RNF11: variants seen among roughly 807,000 people sequenced by gnomAD.
The protein encoded by RNF11 is ring finger protein 11.
A neutral mutation model predicts 15.8 loss-of-function variants in RNF11; 4 were observed. That is an observed-to-expected ratio of 0.25 (90% CI 0.12 to 0.58). RNF11 has a LOEUF of 0.58. Ranked by LOEUF, RNF11 falls within the 20% of genes least tolerant of loss-of-function variation. The pLI, the probability that RNF11 is intolerant of heterozygous loss-of-function variation, is 0.91. For missense variants in RNF11, 139 were observed against 194.4 expected (o/e 0.71, Z 1.70); for synonymous variants, 68 against 72.3 (o/e 0.94, Z 0.30).
chr1:51,261,994 A>T (rs1005065116), intron 1 of RNF11, among the ~76,000 whole-genome samples: 3 of 152,174 alleles, frequency 2.0e-5, no homozygotes, highest in Non-Finnish European at 4.4e-5. Flanking sequence ...AGCTGGGATT[A>T]CAGGCACATA....
chr1:51,243,443 A>G (rs949741070), intron 1 of RNF11, among the ~76,000 whole-genome samples: 1 of 151,728 alleles, frequency 6.6e-6, no homozygotes, highest in Non-Finnish European at 1.5e-5. Context: ...TATTATTATT[A>G]TTATTATTTT....
intron 1 of RNF11, among the ~76,000 whole-genome samples, chr1:51,245,050 A>G (rs561600984): frequency 6.2e-4 from 95 of 152,290 alleles, no homozygotes; most frequent in African/African-American, 2.2e-3. Flanking sequence ...AGAAATACTT[A>G]TGTAGATTGG....
chr1:51,259,084 C>T (rs1199491339), intron 1 of RNF11, among the ~76,000 whole-genome samples: 1 of 152,178 alleles, frequency 6.6e-6, no homozygotes, highest in Non-Finnish European at 1.5e-5. Flanking sequence ...GATCCTAAGC[C>T]AGTGGTTCTC....
chr1:51,260,894 A>G (rs917298990), intron 1 of RNF11, among the ~76,000 whole-genome samples: 1 of 152,226 alleles, frequency 6.6e-6, no homozygotes, highest in African/African-American at 2.4e-5. Flanking sequence ...GTTTAGATAC[A>G]TAGGTACTTT....
intron 1 of RNF11, among the ~76,000 whole-genome samples, chr1:51,259,603 C>T (rs1646921132): frequency 6.6e-6 from 1 of 152,152 alleles, no homozygotes; most frequent in African/African-American, 2.4e-5. Context: ...ATAGAAATTC[C>T]TGTATTTAAG....
intron 1 of RNF11, among the ~76,000 whole-genome samples, chr1:51,247,727 G>A (rs61780354): frequency 8.5e-5 from 13 of 152,204 alleles, no homozygotes; most frequent in African/African-American, 2.4e-4. Context: ...CAATGAATGC[G>A]TGTGTCCCTA....
intron 1 of RNF11, among the ~76,000 whole-genome samples, chr1:51,246,795 C>T (rs1449958239): frequency 6.6e-6 from 1 of 152,032 alleles, no homozygotes; most frequent in Admixed American, 6.6e-5. Context: ...TTAATGGCTA[C>T]ATAACTTTAT....
At chr1:51,270,724 T>C (rs1646974864) in intron 2 of RNF11, among the ~76,000 whole-genome samples, 1 of 152,210 alleles carries the variant, frequency 6.6e-6, no homozygotes, top group African/African-American at 2.4e-5. Flanking sequence ...CCGAAGTTAG[T>C]GTTTCTGTTT....
intron 1 of RNF11, among the ~76,000 whole-genome samples, chr1:51,259,845 GC>G (rs1435636615): frequency 5.3e-5 from 8 of 152,212 alleles, no homozygotes; most frequent in Non-Finnish European, 8.8e-5. Context: ...TGATCAAATA[GC>G]GTATGTAGGA....
At chr1:51,262,117 G>A (rs552291412) in intron 1 of RNF11, among the ~76,000 whole-genome samples, 2 of 152,204 alleles carry the variant, frequency 1.3e-5, no homozygotes, top group South Asian at 4.2e-4. Context: ...GGCCTCCCTA[G>A]TAGCCTGAGG....
chr1:51,254,598 G>C lies in RNF11; in HGVS notation c.124-15358G>C, dbSNP rs954807348. Among the ~76,000 whole-genome samples the C allele has an allele frequency of 2.0e-5, 3 of 152,130 alleles. No individual in the cohort carries two copies. In the East Asian group the frequency reaches 5.8e-4, roughly 29 times the overall value. ...TCTCAGCCGCCTCCCAAGTAGCTAG[G>C]ATTACAGGCGTGTGCCACCACTCCC... On this transcript the variant is annotated intron_variant, in intron 1 of 2. Transcript: ENST00000242719.
intron 2 of RNF11, 27 bp from the exon 3 acceptor site, chr1:51,271,124 C>A (rs1435158448): frequency 6.3e-7 from 1 of 1,599,192 alleles, no homozygotes; most frequent in Non-Finnish European, 8.6e-7. Context: ...AAAATGCCTT[C>A]TGATTTCTCT....
chr1:51,252,839 G>GTGTGTGT (rs1557679635), intron 1 of RNF11, among the ~76,000 whole-genome samples: 1 of 150,984 alleles, frequency 6.6e-6, no homozygotes, highest in Non-Finnish European at 1.5e-5. Flanking sequence ...GTGTGTGTTT[G>GTGTGTGT]GGGGGGACAG....
intron 1 of RNF11, among the ~76,000 whole-genome samples, chr1:51,258,380 A>C (rs550245107): frequency 6.6e-6 from 1 of 152,330 alleles, no homozygotes; most frequent in South Asian, 2.1e-4. Context: ...TTTAAACAAT[A>C]GGGATAACTG....
intron 1 of RNF11, among the ~76,000 whole-genome samples, chr1:51,253,567 A>G (rs6688126): frequency 0.015 from 2,310 of 151,860 alleles, 60 homozygotes; most frequent in African/African-American, 0.053. Flanking sequence ...AATAAAGAAT[A>G]GAAGGAAAGT....
chr1:51,264,897 T>G (rs1646947971), intron 1 of RNF11: 1 of 152,212 alleles, frequency 6.6e-6, no homozygotes, highest in African/African-American at 2.4e-5. Context: ...CACCTAAGAT[T>G]AGGGCCCGAT....
intron 1 of RNF11, among the ~76,000 whole-genome samples, chr1:51,263,314 A>C (rs1460697546): frequency 6.6e-6 from 1 of 152,236 alleles, no homozygotes; most frequent in Non-Finnish European, 1.5e-5. Flanking sequence ...TCAGTGATAA[A>C]AAGGAATGCA....
intron 1 of RNF11, among the ~76,000 whole-genome samples, chr1:51,255,819 A>G (rs1367748463): frequency 6.6e-6 from 1 of 152,110 alleles, no homozygotes; most frequent in Non-Finnish European, 1.5e-5. Flanking sequence ...CTTCTGTTCC[A>G]TTGGTCTATA....
At chr1:51,248,700 G>A (rs1176034213) in intron 1 of RNF11, among the ~76,000 whole-genome samples, 1 of 152,116 alleles carries the variant, frequency 6.6e-6, no homozygotes, top group Non-Finnish European at 1.5e-5. Flanking sequence ...TTGTGATAGG[G>A]CAGTGAATCA....
Sources: allele counts gnomAD v4.1 joint callset (sites outside exome capture counted in the v4.1 genomes callset), GRCh38; gene constraint gnomAD v4.1.1; transcripts MANE v1.5; gene names NCBI Gene and HGNC (gene_info 2026-07-23, HGNC 2026-07-21).